Variants in SERPINB5 observed in about 807,000 individuals in gnomAD.
SERPINB5 encodes serpin family B member 5.
Under a neutral mutation model 32.2 loss-of-function variants are expected in SERPINB5, and 27 were observed. That is an observed-to-expected ratio of 0.84 (90% confidence interval 0.62 to 1.16). The LOEUF (loss-of-function observed/expected upper bound fraction) is 1.16. Ranked by LOEUF, SERPINB5 falls within the 50% of genes most tolerant of loss-of-function variation. The probability of loss-of-function intolerance (pLI) is 0.00; values close to 1 mark genes in which losing one functional copy is unlikely to be tolerated. For missense variants in SERPINB5, 388 were observed against 436.3 expected, an observed-to-expected ratio of 0.89 and a Z score of 0.99; for synonymous variants, 154 against 157.4, an observed-to-expected ratio of 0.98 and a Z score of 0.16.
intron 6 of SERPINB5, among the ~76,000 whole-genome samples, chr18:63,502,289 C>T (rs907761390): frequency 1.3e-5 from 2 of 151,982 alleles, no homozygotes; most frequent in African/African-American, 4.8e-5. Context: ...GTGCCTGCCA[C>T]GACGCTTGGC....
At chr18:63,491,696 A>C (rs1369182614) in intron 4 of SERPINB5, among the ~76,000 whole-genome samples, 1 of 151,840 alleles carries the variant, frequency 6.6e-6, no homozygotes, top group East Asian at 2.0e-4. Context: ...GCTGGTCTCA[A>C]ACTCCTGACC....
intron 3 of SERPINB5, among the ~76,000 whole-genome samples, chr18:63,487,576 T>C (rs1917235811): frequency 1.3e-5 from 2 of 152,192 alleles, no homozygotes; most frequent in African/African-American, 4.8e-5. Flanking sequence ...GAATTCACAA[T>C]TTTCATCAGT....
At position 63,503,315 on chromosome 18, in the gene SERPINB5, AT is replaced by A; in HGVS notation, c.736-10del. ...AAATAAATAAAAATAATTTCTTTTCATTTTTGTCCTTCAGATTGAAAAACAA... is the reference window on the plus strand; with the variant it reads ...AAATAAATAAAAATAATTTCTTTTCATTTTGTCCTTCAGATTGAAAAACAA... On this transcript the variant is annotated splice_polypyrimidine_tract_variant and intron_variant, in intron 6 of 6. Coordinates refer to ENST00000382771, the MANE Select transcript of SERPINB5 (RefSeq NM_002639.5). 6.3e-7 allele frequency: 1 copy of A among 1,599,460 alleles called. No individual in the cohort carries two copies. The highest frequency in any genetic ancestry group is 8.5e-7 in the Non-Finnish European group (1 of 1,175,838).
chr18:63,478,134 T>C (rs972734354), intron 1 of SERPINB5, among the ~76,000 whole-genome samples: 6 of 152,188 alleles, frequency 3.9e-5, no homozygotes, highest in Non-Finnish European at 8.8e-5. Context: ...GAAAGGAGTC[T>C]CCAAAGGAAA....
Position 63,498,023 on chromosome 18 carries a change from GACAA to G in SERPINB5, c.568-1093_568-1090del. Among the ~76,000 whole-genome samples, 1 of 152,156 alleles carries G rather than the reference GACAA, an allele frequency of 6.6e-6. No individual in the cohort carries two copies. The highest frequency in any genetic ancestry group is 1.9e-4 in the East Asian group (1 of 5,192). The stretch of plus-strand genomic sequence containing the variant: ...TGGGGAGTGGGCAATTCAAACCAAA[GACAA>G]ACAGAGAGGTCACAACAAATATTGT... On this transcript the variant is annotated intron_variant, in intron 5 of 6. Coordinates refer to ENST00000382771, the MANE Select transcript of SERPINB5 (RefSeq NM_002639.5). The surrounding 1 kb of genome is among the most constrained non-coding windows in gnomAD (Gnocchi z 4.2).
chr18:63,504,068 T>C lies in SERPINB5; in HGVS notation c.*346T>C, dbSNP rs1396401392. 8 of 267,636 alleles carry C rather than the reference T, an allele frequency of 3.0e-5. No individual in the cohort carries two copies. Among genetic ancestry groups the C allele is most frequent in the Non-Finnish European group, 4.9e-5 (7 of 142,244 alleles). The allele number at this position is 267,636 out of a possible 1,614,324, so 16.6% of individuals were successfully genotyped here. A position where few individuals can be genotyped will look rare whatever the true frequency, so the allele number is the denominator to read the frequency against. ...ATTCCTATAAGGAAGATTTGGAAGCTCTTCTTCCCAGCACTATGCTTTCCT... is the reference window on the plus strand; with the variant it reads ...ATTCCTATAAGGAAGATTTGGAAGCCCTTCTTCCCAGCACTATGCTTTCCT... On this transcript the variant is annotated 3_prime_UTR_variant, in exon 7 of 7. Coordinates refer to ENST00000382771, the MANE Select transcript of SERPINB5 (RefSeq NM_002639.5).
At chr18:63,482,868 TA>T (rs1462944203) in intron 1 of SERPINB5, among the ~76,000 whole-genome samples, 18 of 150,682 alleles carry the variant, frequency 1.2e-4, no homozygotes, top group Non-Finnish European at 2.1e-4. Flanking sequence ...ATATATATAT[TA>T]AAAAACATTT....
At chr18:63,482,968 A>G (rs1156946410) in intron 1 of SERPINB5, among the ~76,000 whole-genome samples, 1 of 152,110 alleles carries the variant, frequency 6.6e-6, no homozygotes, top group African/African-American at 2.4e-5. Context: ...AAGGGATGTC[A>G]TATAGCCTCT....
chr18:63,501,867 C>T (rs2144511793), intron 6 of SERPINB5, among the ~76,000 whole-genome samples: 1 of 152,290 alleles, frequency 6.6e-6, no homozygotes, highest in African/African-American at 2.4e-5. Context: ...TGTTCACATC[C>T]TTTGCCCACT....
At position 63,503,879 on chromosome 18, in the gene SERPINB5, A is replaced by G. The variant is rs1179510025; in HGVS notation, c.*157A>G. 5.9e-5 allele frequency: 38 copies of G among 645,636 alleles called. No individual in the cohort carries two copies. Among genetic ancestry groups the G allele is most frequent in the Non-Finnish European group, 9.0e-5 (35 of 387,788 alleles). 40.0% of individuals were successfully genotyped at this position (645,636 alleles called of 1,614,324 possible). A position where few individuals can be genotyped will look rare whatever the true frequency, so the allele number is the denominator to read the frequency against. On this transcript the variant is annotated 3_prime_UTR_variant, in exon 7 of 7. Transcript: ENST00000382771. ...TGTCATATGTAGCCTTCACACAGATAGACCTTTTTTTTTTTTCCAATTCTA... is the reference window on the plus strand; with the variant it reads ...TGTCATATGTAGCCTTCACACAGATGGACCTTTTTTTTTTTTCCAATTCTA...
intron 1 of SERPINB5, among the ~76,000 whole-genome samples, chr18:63,478,125 A>G (rs915316050): frequency 2.0e-5 from 3 of 152,194 alleles, no homozygotes; most frequent in Non-Finnish European, 4.4e-5. Context: ...CTGTCTGAGG[A>G]AAGGAGTCTC....
In SERPINB5 at chr18:63,504,394, A is replaced by G. The variant is rs1042774208; in HGVS notation, c.*672A>G. 6.6e-6 allele frequency: 1 copy of G among 152,268 alleles called. No individual in the cohort carries two copies. The highest frequency in any genetic ancestry group is 1.9e-4 in the East Asian group (1 of 5,206). The allele number at this position is 152,268 out of a possible 1,614,324, so 9.4% of individuals were successfully genotyped here. ...TTAATATGCTGCAACAAAATGTAGA[A>G]TATTCAGACAAAATGGATACATAAA... is the stretch of plus-strand genomic sequence containing the variant. On this transcript the variant is annotated 3_prime_UTR_variant, in exon 7 of 7. Coordinates refer to ENST00000382771, the MANE Select transcript of SERPINB5 (RefSeq NM_002639.5).
intron 5 of SERPINB5, chr18:63,497,499 GAAAAA>G: frequency 4.5e-6 from 1 of 222,796 alleles, no homozygotes; most frequent in African/African-American, 2.5e-5. Context: ...CAACGTTTCT[GAAAAA>G]AAAAAAAAAA....
intron 5 of SERPINB5, among the ~76,000 whole-genome samples, chr18:63,494,688 C>T (rs756486366): frequency 6.6e-6 from 1 of 152,204 alleles, no homozygotes; most frequent in African/African-American, 2.4e-5. Context: ...CCTGGGTTAG[C>T]CGGATGGCTT....
Position 63,486,732 on chromosome 18 carries a change from G to A in SERPINB5, c.169-214G>A, listed in dbSNP as rs1170938312. On this transcript the variant is annotated intron_variant, in intron 2 of 6. Transcript: ENST00000382771. ...TGCCACTGGCATCTAGTAGGTCAGC[G>A]ATGCTGCTAAGCATCCTGCAGTGCC... 5 of 412,156 alleles carry A rather than the reference G, an allele frequency of 1.2e-5. No homozygotes were observed. In the South Asian group the frequency reaches 2.8e-4, roughly 23 times the overall value. The allele number at this position is 412,156 out of a possible 1,614,324, so 25.5% of individuals were successfully genotyped here.
chr18:63,491,227 C>A (rs561876889), intron 4 of SERPINB5, among the ~76,000 whole-genome samples: 26 of 151,320 alleles, frequency 1.7e-4, no homozygotes, highest in African/African-American at 5.1e-4. Flanking sequence ...CATGGTGAAA[C>A]CCCGTCTCTA....
intron 2 of SERPINB5, among the ~76,000 whole-genome samples, chr18:63,484,836 G>A (rs964544187): frequency 6.3e-5 from 9 of 142,942 alleles, no homozygotes; most frequent in Admixed American, 2.3e-4. Context: ...CAGCCTCCAG[G>A]TTCAAGCGAT....
In SERPINB5 at chr18:63,498,230, C is replaced by T. The variant is rs1360394650; in HGVS notation, c.568-890C>T. Among the ~76,000 whole-genome samples the T allele has an allele frequency of 6.6e-6, 1 of 152,286 alleles. No homozygotes were observed. The highest frequency in any genetic ancestry group is 1.9e-4 in the East Asian group (1 of 5,178). ...TCAGTTTCCCAAGAAGCTGAGATTA[C>T]AGGCGTGTGCCACCATGCCTGGCTG... On this transcript the variant is annotated intron_variant, in intron 5 of 6. Transcript: ENST00000382771. This position sits in a 1 kb window ranked among gnomAD's most constrained non-coding sequence, Gnocchi z 4.2.
intron 1 of SERPINB5, among the ~76,000 whole-genome samples, chr18:63,479,096 C>T (rs1355457708): frequency 6.6e-6 from 1 of 152,158 alleles, no homozygotes; most frequent in Non-Finnish European, 1.5e-5. Flanking sequence ...AAACTATACT[C>T]ATAGCTCTGT....
Sources: gnomAD v4.1 joint callset for allele counts (sites outside exome capture counted in the v4.1 genomes callset) on GRCh38, gnomAD v4.1.1 for gene constraint, Gnocchi (gnomAD v3.1) non-coding constraint, MANE v1.5 for transcripts, NCBI Gene and HGNC (gene_info 2026-07-23, HGNC 2026-07-21) for gene names.